The following UBE2D3 variants were observed in gnomAD, a reference collection of about 807,000 sequenced individuals.
UBE2D3 encodes the protein ubiquitin conjugating enzyme E2 D3, also known as ubiquitin-conjugating enzyme E2 D3.
A neutral mutation model predicts 22.8 loss-of-function variants in UBE2D3; 2 were observed. That is an observed-to-expected ratio of 0.09 (90% CI 0.04 to 0.28). The LOEUF (loss-of-function observed/expected upper bound fraction) is 0.28. Among genes scored for constraint, UBE2D3 ranks in the 10% least tolerant of loss-of-function variants. UBE2D3 has a pLI of 1.00. For missense variants in UBE2D3, 27 were observed against 182.5 expected (o/e 0.15, Z 4.91); for synonymous variants, 56 against 60.4 (o/e 0.93, Z 0.34).
chr4:102,824,126 C>A (rs768637401), intron 2 of UBE2D3, among the ~76,000 whole-genome samples: 1 of 152,180 alleles, frequency 6.6e-6, no homozygotes, highest in Non-Finnish European at 1.5e-5. Flanking sequence ...CACATGCACA[C>A]GTCAAAGTTT....
chr4:102,822,087 A>C (rs1389169636), intron 2 of UBE2D3, among the ~76,000 whole-genome samples: 1 of 152,248 alleles, frequency 6.6e-6, no homozygotes, highest in Non-Finnish European at 1.5e-5. Context: ...TCAGGGGCAA[A>C]GTTTGACAGA....
chr4:102,810,876 T>C (rs1182658399), intron 2 of UBE2D3: 2 of 152,028 alleles, frequency 1.3e-5, no homozygotes, highest in African/African-American at 2.4e-5. Flanking sequence ...AGACAATAAA[T>C]AGAACCAATG....
intron 1 of UBE2D3, among the ~76,000 whole-genome samples, chr4:102,861,509 T>G (rs952098837): frequency 2.6e-5 from 4 of 152,058 alleles, no homozygotes; most frequent in African/African-American, 9.6e-5. Flanking sequence ...TCACATTTAT[T>G]CTGTGCACAA....
rs17196685 is a variant in UBE2D3, at chr4:102,825,965, T to C, written c.24+520A>G. ...GACTAAGAGTTTCTACTAGACTCACTGACTGACCTTCAATACGCAAGACTT... is the reference window on the plus strand; with the variant it reads ...GACTAAGAGTTTCTACTAGACTCACCGACTGACCTTCAATACGCAAGACTT... On this transcript the variant is annotated intron_variant, in intron 2 of 7. Coordinates refer to ENST00000453744, the MANE Select transcript of UBE2D3 (RefSeq NM_181891.3). 3 of 318,114 alleles carry C rather than the reference T, an allele frequency of 9.4e-6. No individual in the cohort carries two copies. In the East Asian group the frequency reaches 2.6e-4, roughly 28 times the overall value. The allele number at this position is 318,114 out of a possible 1,614,324, so 19.7% of individuals were successfully genotyped here.
intron 1 of UBE2D3, among the ~76,000 whole-genome samples, chr4:102,838,560 T>C (rs1275778567): frequency 6.6e-6 from 1 of 151,848 alleles, no homozygotes; most frequent in Non-Finnish European, 1.5e-5. Flanking sequence ...AGATGGAGAG[T>C]TTACCTTTGT....
intron 1 of UBE2D3, among the ~76,000 whole-genome samples, chr4:102,838,216 G>A (rs150260852): frequency 9.2e-5 from 14 of 152,254 alleles, no homozygotes; most frequent in African/African-American, 2.9e-4. Context: ...AAAAATTCAC[G>A]CGAACTAAAC....
At chr4:102,824,165 A>C (rs147508220) in intron 2 of UBE2D3, among the ~76,000 whole-genome samples, 1 of 152,242 alleles carries the variant, frequency 6.6e-6, no homozygotes, top group African/African-American at 2.4e-5. Flanking sequence ...ATGTTCACAT[A>C]AACACTGGTT....
chr4:102,837,280 T>C (rs2110351573), intron 1 of UBE2D3, among the ~76,000 whole-genome samples: 1 of 152,324 alleles, frequency 6.6e-6, no homozygotes, highest in South Asian at 2.1e-4. Flanking sequence ...ACAGCCATTA[T>C]TAAAAATTAT....
chr4:102,798,776 C>T lies in UBE2D3; in HGVS notation c.398+631G>A, dbSNP rs376946139. Among the ~76,000 whole-genome samples the T allele has an allele frequency of 1.1e-4, 16 of 151,664 alleles. No individual in the cohort carries two copies. The East Asian group carries it at 3.1e-3, about 29-fold the overall frequency. On this transcript the variant is annotated intron_variant, in intron 7 of 7. Transcript: ENST00000453744. ...AACGGCTACCAGATATTTACTTTCA[C>T]GTTAAACAGAGACCAAGCAGTTAAA...
intron 1 of UBE2D3, chr4:102,837,008 T>C (rs1452959645): frequency 2.0e-5 from 3 of 152,258 alleles, no homozygotes; most frequent in Non-Finnish European, 2.9e-5. Context: ...AAATTTAAGA[T>C]TTCACTATAT....
At chr4:102,854,595 C>G (rs908087497) in intron 1 of UBE2D3, among the ~76,000 whole-genome samples, 16 of 152,186 alleles carry the variant, frequency 1.1e-4, no homozygotes, top group African/African-American at 3.6e-4. Flanking sequence ...CTGAAATCTG[C>G]TTTGTCTGAC....
chr4:102,819,565 G>C (rs903935868), intron 2 of UBE2D3: 113 of 985,198 alleles, frequency 1.1e-4, no homozygotes, highest in Non-Finnish European at 1.3e-4. Flanking sequence ...AAGGTTTTAA[G>C]TGTCAACCCT....
At chr4:102,820,350 T>C (rs1449704540) in intron 2 of UBE2D3, among the ~76,000 whole-genome samples, 1 of 152,226 alleles carries the variant, frequency 6.6e-6, no homozygotes, top group East Asian at 1.9e-4. Flanking sequence ...GGCAAAAAGA[T>C]ATGAACAATT....
intron 2 of UBE2D3, chr4:102,811,767 A>G (rs1181740683): frequency 2.2e-6 from 1 of 449,102 alleles, no homozygotes; most frequent in African/African-American, 2.0e-5. Flanking sequence ...AATAAAAAAG[A>G]TACAACAGAG....
At chr4:102,807,111 G>T (rs906680134) in intron 4 of UBE2D3, among the ~76,000 whole-genome samples, 2 of 152,118 alleles carry the variant, frequency 1.3e-5, no homozygotes, top group African/African-American at 2.4e-5. Flanking sequence ...TGTGGCACTG[G>T]CACCACTTTA....
intron 2 of UBE2D3, among the ~76,000 whole-genome samples, chr4:102,814,808 G>A (rs1467316822): frequency 1.3e-5 from 2 of 151,942 alleles, no homozygotes; most frequent in Non-Finnish European, 2.9e-5. Flanking sequence ...CCACACATGG[G>A]CCACATAATA....
chr4:102,822,762 T>TGCTTCTACTAAAAAAACAAAAAAATTA (rs1729820076), intron 2 of UBE2D3, among the ~76,000 whole-genome samples: 1 of 147,268 alleles, frequency 6.8e-6, no homozygotes, highest in African/African-American at 2.6e-5. Flanking sequence ...GGTGAAACCC[T>TGCTTCTACTAAAAAAACAAAAAAATTA]GCCTCTACTA....
In UBE2D3 at chr4:102,799,390, CTT is replaced by C; in HGVS notation, c.398+15_398+16del. 1 of 1,604,506 alleles carries C rather than the reference CTT, an allele frequency of 6.2e-7. No individual in the cohort carries two copies. The highest frequency in any genetic ancestry group is 1.1e-5 in the South Asian group (1 of 90,576). On this transcript the variant is annotated intron_variant, in intron 7 of 7. Coordinates refer to ENST00000453744, the MANE Select transcript of UBE2D3 (RefSeq NM_181891.3). ...TTAAGTAAAACCACTTTTATAATAA[CTT>C]TTTAACATACTTACTTATCTCTGTC...
chr4:102,807,560 A>G (rs1294310479), intron 4 of UBE2D3, among the ~76,000 whole-genome samples: 2 of 152,230 alleles, frequency 1.3e-5, no homozygotes, highest in African/African-American at 4.8e-5. Flanking sequence ...AATCAGGTTA[A>G]TATTTAAATG....
Sources: gnomAD v4.1 joint callset for allele counts (sites outside exome capture counted in the v4.1 genomes callset) on GRCh38, gnomAD v4.1.1 for gene constraint, MANE v1.5 for transcripts, NCBI Gene and HGNC (gene_info 2026-07-23, HGNC 2026-07-21) for gene names.